NRG1: variants seen among roughly 807,000 people sequenced by gnomAD.
NRG1 encodes the protein pro-neuregulin-1, membrane-bound isoform.
In NRG1, 18 loss-of-function variants were observed where a neutral mutation model predicts 63.8. The observed-to-expected ratio is 0.28, with a 90% CI of 0.19 to 0.42. The LOEUF (loss-of-function observed/expected upper bound fraction) is 0.42, where lower values mean the gene tolerates loss of function less well. Ranked by LOEUF, NRG1 falls within the 10% of genes least tolerant of loss-of-function variation. The pLI, the probability that NRG1 is intolerant of heterozygous loss-of-function variation, is 1.00. For missense variants in NRG1, 762 were observed against 814.7 expected (o/e 0.94, Z 0.79); for synonymous variants, 302 against 301.3 (o/e 1.00, Z -0.02).
At chr8:32,294,818 A>T (rs905215583) in intron 1 of NRG1, among the ~76,000 whole-genome samples, 1 of 151,952 alleles carries the variant, frequency 6.6e-6, no homozygotes, top group African/African-American at 2.4e-5. Context: ...ATAATAAATA[A>T]CATTATGCAG....
At chr8:32,773,191 G>A (rs1831913976) in intron 7 of NRG1, among the ~76,000 whole-genome samples, 1 of 152,218 alleles carries the variant, frequency 6.6e-6, no homozygotes, top group African/African-American at 2.4e-5. Context: ...TGGCCCTTTA[G>A]AAAGTTCTAG....
intron 1 of NRG1, among the ~76,000 whole-genome samples, chr8:32,055,451 T>C (rs1822758030): frequency 6.6e-6 from 1 of 152,154 alleles, no homozygotes; most frequent in Non-Finnish European, 1.5e-5. Flanking sequence ...TTGTCTAAGC[T>C]CTCTTCTCCA....
At chr8:32,293,144 G>GC in intron 1 of NRG1, among the ~76,000 whole-genome samples, 1 of 151,876 alleles carries the variant, frequency 6.6e-6, no homozygotes, top group South Asian at 2.1e-4. Flanking sequence ...ACTAAAAATG[G>GC]CCCCCAAAAG....
intron 1 of NRG1, among the ~76,000 whole-genome samples, chr8:31,808,219 G>T (rs1240297473): frequency 3.3e-5 from 5 of 151,636 alleles, no homozygotes; most frequent in African/African-American, 1.2e-4. Context: ...TATATATTTT[G>T]TCTGATGTTA....
rs140653872 is a variant in NRG1, at chr8:32,575,567, A to C, written c.101-20261A>C. Reference sequence around the variant, plus strand: ...ATTTATACTTTTTAAGACAAGCAACATTAACAAAGTCTGGATCTTAAAGTA... The same window carrying C: ...ATTTATACTTTTTAAGACAAGCAACCTTAACAAAGTCTGGATCTTAAAGTA... On this transcript the variant is annotated intron_variant, in intron 1 of 11. Transcript: ENST00000356819. Among the ~76,000 whole-genome samples, 1,151 of 151,036 alleles carry C rather than the reference A, an allele frequency of 7.6e-3. 13 individuals are homozygous for C. Among genetic ancestry groups the C allele is most frequent in the African/African-American group, 0.026 (1,064 of 41,292 alleles).
At chr8:32,645,743 C>T (rs955837795) in intron 5 of NRG1, among the ~76,000 whole-genome samples, 1 of 152,116 alleles carries the variant, frequency 6.6e-6, no homozygotes, top group Non-Finnish European at 1.5e-5. Context: ...CCTTGGAAAC[C>T]GTTTAGATGT....
chr8:32,341,682 A>G (rs950991459), intron 1 of NRG1, among the ~76,000 whole-genome samples: 2 of 152,194 alleles, frequency 1.3e-5, no homozygotes. Context: ...TCAGGCAGTG[A>G]TAGGCATGCT....
Position 31,761,237 on chromosome 8 carries a change from A to T in NRG1, c.37+121806A>T, listed in dbSNP as rs770977864. 9.9e-4 allele frequency among the ~76,000 whole-genome samples: 151 copies of T among 152,098 alleles called. 1 individual carries two copies. The highest frequency in any genetic ancestry group is 1.6e-3 in the Non-Finnish European group (108 of 67,978). ...AAACACCTCTTGTTCTCACTCATAG[A>T]TGGGAATTGAACAATGAGAACACAT... On this transcript the variant is annotated intron_variant, in intron 1 of 10. Transcript: ENST00000519301.
At chr8:32,345,491 G>A (rs1804767885) in intron 1 of NRG1, among the ~76,000 whole-genome samples, 1 of 152,166 alleles carries the variant, frequency 6.6e-6, no homozygotes, top group Admixed American at 6.5e-5. Flanking sequence ...TAGACAGTTT[G>A]AGTGCCTCAA....
At chr8:31,677,064 C>T (rs1807780566) in intron 1 of NRG1, among the ~76,000 whole-genome samples, 1 of 152,124 alleles carries the variant, frequency 6.6e-6, no homozygotes, top group Non-Finnish European at 1.5e-5. Flanking sequence ...TGAATGTTTG[C>T]CATGTGCTCC....
chr8:32,476,319 G>A (rs1587865417), intron 1 of NRG1, among the ~76,000 whole-genome samples: 1 of 148,362 alleles, frequency 6.7e-6, no homozygotes, highest in East Asian at 1.9e-4. Context: ...ATTCTTCAGG[G>A]GCTATCCCTC....
intron 1 of NRG1, among the ~76,000 whole-genome samples, chr8:31,990,687 T>C (rs1454939311): frequency 1.3e-5 from 2 of 152,274 alleles, no homozygotes; most frequent in African/African-American, 4.8e-5. Flanking sequence ...TGCTAAACCA[T>C]ATGACATCAA....
At chr8:32,166,515 G>C (rs1471240563) in intron 1 of NRG1, among the ~76,000 whole-genome samples, 1 of 152,106 alleles carries the variant, frequency 6.6e-6, no homozygotes, top group Non-Finnish European at 1.5e-5. Context: ...GGTGACATCA[G>C]AGAAGCAAAG....
chr8:32,076,134 C>T (rs1476420643), intron 1 of NRG1, among the ~76,000 whole-genome samples: 1 of 152,154 alleles, frequency 6.6e-6, no homozygotes, highest in African/African-American at 2.4e-5. Flanking sequence ...TACTTCTTTA[C>T]AGAGTTAGAT....
chr8:32,745,594 A>T (rs1827267793), intron 7 of NRG1, among the ~76,000 whole-genome samples: 1 of 152,174 alleles, frequency 6.6e-6, no homozygotes, highest in Non-Finnish European at 1.5e-5. Flanking sequence ...TGTCAAGGTT[A>T]GTCAGCTTCA....
At chr8:32,559,255 A>AAAAAAAAAAAAAAAAAAAAAT (rs1563645453) in intron 1 of NRG1, among the ~76,000 whole-genome samples, 1 of 150,400 alleles carries the variant, frequency 6.6e-6, no homozygotes. Context: ...TAAAAAAAAA[A>AAAAAAAAAAAAAAAAAAAAAT]AAAAAAAATC....
At chr8:32,528,755 A>T (rs987920777) in intron 1 of NRG1, among the ~76,000 whole-genome samples, 1 of 152,230 alleles carries the variant, frequency 6.6e-6, no homozygotes, top group African/African-American at 2.4e-5. Flanking sequence ...CATATATAGA[A>T]TACATACAGG....
chr8:31,730,352 A>T (rs1292656437), intron 1 of NRG1, among the ~76,000 whole-genome samples: 1 of 152,116 alleles, frequency 6.6e-6, no homozygotes, highest in East Asian at 1.9e-4. Context: ...GGCTGGGGAT[A>T]TAAATGACAT....
intron 1 of NRG1, among the ~76,000 whole-genome samples, chr8:32,462,595 C>CTTTTTTTTTTTTTTTTTT (rs58485445): frequency 1.4e-5 from 1 of 72,274 alleles, no homozygotes; most frequent in Non-Finnish European, 2.5e-5. Context: ...CACACTGATT[C>CTTTTTTTTTTTTTTTTTT]TTTTTTTTTT....
Sources: allele counts gnomAD v4.1 joint callset (sites outside exome capture counted in the v4.1 genomes callset), GRCh38; gene constraint gnomAD v4.1.1; transcripts MANE v1.5; gene names NCBI Gene and HGNC (gene_info 2026-07-23, HGNC 2026-07-21).